RPAP2: variants seen among roughly 807,000 people sequenced by gnomAD.
RPAP2 encodes RNA polymerase II associated protein 2.
RPAP2 carries 52 observed loss-of-function variants against 73.1 expected under a neutral mutation model. That is an observed-to-expected ratio of 0.71 (90% CI 0.57 to 0.90). The LOEUF is 0.90. RPAP2 is among the 40% of genes least tolerant of loss of function. The pLI, the probability that RPAP2 is intolerant of heterozygous loss-of-function variation, is 0.00. For synonymous variants in RPAP2, 225 were observed against 242.1 expected, an observed-to-expected ratio of 0.93 and a Z score of 0.65; for missense variants, 598 against 701.8, an observed-to-expected ratio of 0.85 and a Z score of 1.67.
chr1:92,384,492 C>T (rs143719004), intron 12 of RPAP2, among the ~76,000 whole-genome samples: 3,971 of 151,568 alleles, frequency 0.026, 127 homozygotes, highest in African/African-American at 0.075. Context: ...GGCGTGGTGG[C>T]AAGTGCCTGT....
chr1:92,328,805 T>C (rs1414379255), intron 8 of RPAP2, among the ~76,000 whole-genome samples: 2 of 152,244 alleles, frequency 1.3e-5, no homozygotes, highest in East Asian at 1.9e-4. Flanking sequence ...ACTCAAGGGC[T>C]GCTGTTTAGA....
At chr1:92,307,743 A>G (rs1195222652) in intron 6 of RPAP2, among the ~76,000 whole-genome samples, 5 of 151,820 alleles carry the variant, frequency 3.3e-5, no homozygotes. Flanking sequence ...TTTTTGTAAA[A>G]AGAGTTTATG....
chr1:92,309,148 G>A (rs1196225041), intron 6 of RPAP2, among the ~76,000 whole-genome samples: 1 of 151,940 alleles, frequency 6.6e-6, no homozygotes, highest in African/African-American at 2.4e-5. Flanking sequence ...AAAGAAAGAT[G>A]AAAATGTCCT....
rs1651053185 is a variant in RPAP2 at position 92,304,227 on chromosome 1, A to G, written c.334-57A>G. 7 of 1,250,330 alleles carry G rather than the reference A, an allele frequency of 5.6e-6. No homozygotes were observed. The South Asian group carries it at 8.9e-5, about 16-fold the overall frequency. 77.5% of individuals were successfully genotyped at this position (1,250,330 alleles called of 1,614,324 possible). On this transcript the variant is annotated intron_variant, in intron 4 of 12. Transcript: ENST00000610020. ...TATGTAGATGACTTAATCTTGTAAC[A>G]TAACGTTCATGTTTATTATTTGGAT...
Position 92,392,725 on chromosome 1 carries a change from T to A in RPAP2, c.*5714T>A, listed in dbSNP as rs1185577134. On this transcript the variant is annotated 3_prime_UTR_variant, in exon 13 of 13. Coordinates refer to ENST00000610020, the MANE Select transcript of RPAP2 (RefSeq NM_024813.3). ...AATCGGTGTGCAAAAATCACAAGCA[T>A]TCCTATATACCAATAATAGACAAAG... 1 of 152,220 alleles carries A rather than the reference T, an allele frequency of 6.6e-6. No homozygotes were observed. The highest frequency in any genetic ancestry group is 6.5e-5 in the Admixed American group (1 of 15,280). 9.4% of individuals were successfully genotyped at this position (152,220 alleles called of 1,614,324 possible). A position where few individuals can be genotyped will look rare whatever the true frequency, so the allele number is the denominator to read the frequency against.
At chr1:92,357,938 T>C (rs1227430175) in intron 11 of RPAP2, among the ~76,000 whole-genome samples, 1 of 152,236 alleles carries the variant, frequency 6.6e-6, no homozygotes, top group Admixed American at 6.5e-5. Flanking sequence ...CTCGTTTGTT[T>C]GTTTTAGACA....
chr1:92,305,450 A>AAAAAAAAAAAAAAAAAAAAAAAAAAC (rs1202528088), intron 5 of RPAP2, among the ~76,000 whole-genome samples: 3 of 141,852 alleles, frequency 2.1e-5, no homozygotes, highest in African/African-American at 8.9e-5. Flanking sequence ...AAAAAAAAAA[A>AAAAAAAAAAAAAAAAAAAAAAAAAAC]AGACAATATG....
At chr1:92,328,268 C>A (rs144438193) in intron 8 of RPAP2, among the ~76,000 whole-genome samples, 36 of 152,228 alleles carry the variant, frequency 2.4e-4, no homozygotes, top group East Asian at 9.6e-4. Flanking sequence ...TTTTAGATTT[C>A]TCTTCTTTCT....
At chr1:92,332,337 T>C (rs770298160) in intron 8 of RPAP2, among the ~76,000 whole-genome samples, 14 of 152,134 alleles carry the variant, frequency 9.2e-5, no homozygotes, top group African/African-American at 3.1e-4. Flanking sequence ...TTTCCAATTA[T>C]CTGTCAAAAA....
intron 6 of RPAP2, among the ~76,000 whole-genome samples, chr1:92,311,835 GT>G (rs1335218144): frequency 6.6e-6 from 1 of 152,112 alleles, no homozygotes; most frequent in Admixed American, 6.5e-5. Flanking sequence ...AAAAAATAAT[GT>G]ACATACCTTA....
chr1:92,318,807 G>C (rs1025878274), intron 6 of RPAP2, among the ~76,000 whole-genome samples: 3 of 152,078 alleles, frequency 2.0e-5, no homozygotes, highest in Non-Finnish European at 2.9e-5. Flanking sequence ...AAATATCTAT[G>C]AGCAGTCTTA....
intron 8 of RPAP2, among the ~76,000 whole-genome samples, chr1:92,328,912 T>C (rs1339079956): frequency 6.6e-6 from 1 of 152,162 alleles, no homozygotes; most frequent in East Asian, 1.9e-4. Flanking sequence ...ATTGTTATTG[T>C]TCTTGTGGAT....
At chr1:92,334,499 T>G (rs1424554686) in intron 9 of RPAP2, among the ~76,000 whole-genome samples, 1 of 151,934 alleles carries the variant, frequency 6.6e-6, no homozygotes, top group African/African-American at 2.4e-5. Context: ...ATGGAAACAG[T>G]TAGGGGTCAA....
rs892031708 is a variant in RPAP2 at position 92,389,570 on chromosome 1, A to G, written c.*2559A>G. ...TGACAAGTTGACAGAAGTAGGCTTCAGAAGGTCGGTAATAACAAACTTCTC... is the reference window on the plus strand; with the variant it reads ...TGACAAGTTGACAGAAGTAGGCTTCGGAAGGTCGGTAATAACAAACTTCTC... On this transcript the variant is annotated 3_prime_UTR_variant, in exon 13 of 13. Transcript: ENST00000610020. The G allele has an allele frequency of 6.6e-6, 1 of 152,234 alleles. No homozygotes were observed. The highest frequency in any genetic ancestry group is 1.5e-5 in the Non-Finnish European group (1 of 68,042). 9.4% of individuals were successfully genotyped at this position (152,234 alleles called of 1,614,324 possible). A position where few individuals can be genotyped will look rare whatever the true frequency, so the allele number is the denominator to read the frequency against.
chr1:92,379,703 G>A (rs981705030), intron 11 of RPAP2, among the ~76,000 whole-genome samples: 1 of 152,110 alleles, frequency 6.6e-6, no homozygotes. Context: ...GGGAGGCCAA[G>A]GCAGGTATAT....
Position 92,380,863 on chromosome 1 carries a change from T to TTA in RPAP2, c.1829_1830dup (p.Pro611TyrfsTer31), listed in dbSNP as rs1158710364. ...AACCATCATATTTAGAACCAGCTGT[T>TTA]TACCAGAGTGGTAAGTTGGATTGTG... On this transcript the variant is annotated frameshift_variant, in exon 12 of 13. Transcript: ENST00000610020. LOFTEE classifies it high-confidence loss of function. 1 of 1,573,958 alleles carries TTA rather than the reference T, an allele frequency of 6.4e-7. No individual in the cohort carries two copies. The highest frequency in any genetic ancestry group is 8.6e-7 in the Non-Finnish European group (1 of 1,166,392).
At chr1:92,307,317 C>A in intron 6 of RPAP2, 41 bp downstream of exon 6, 1 of 1,342,034 alleles carries the variant, frequency 7.5e-7, no homozygotes, top group Non-Finnish European at 1.0e-6. Context: ...TTCATATATT[C>A]TAATAATTTG....
intron 12 of RPAP2, among the ~76,000 whole-genome samples, chr1:92,385,632 C>T (rs527554697): frequency 1.3e-5 from 2 of 151,896 alleles, no homozygotes; most frequent in East Asian, 1.9e-4. Flanking sequence ...AAGATTACTA[C>T]CTAGTATATT....
chr1:92,299,176 G>A, intron 1 of RPAP2, 30 bp downstream of exon 1: 1 of 1,382,328 alleles, frequency 7.2e-7, no homozygotes, highest in Non-Finnish European at 9.7e-7. Flanking sequence ...CCCACTTTTG[G>A]ACCCTGAAAG....
Sources: gnomAD v4.1 joint callset for allele counts (sites outside exome capture counted in the v4.1 genomes callset) on GRCh38, gnomAD v4.1.1 for gene constraint, MANE v1.5 for transcripts, NCBI Gene and HGNC (gene_info 2026-07-23, HGNC 2026-07-21) for gene names.